SLC12A6: variants seen among roughly 807,000 people sequenced by gnomAD.
SLC12A6 encodes K-Cl cotransporter 3.
Under a neutral mutation model 135.3 loss-of-function variants are expected in SLC12A6, and 66 were observed. The observed-to-expected ratio is 0.49, with a 90% CI of 0.40 to 0.60. SLC12A6 has a LOEUF of 0.60. Ranked by LOEUF, SLC12A6 falls within the 20% of genes least tolerant of loss-of-function variation. SLC12A6 has a pLI of 0.00. For missense variants in SLC12A6, 1,058 were observed against 1,452.3 expected, an observed-to-expected ratio of 0.73 and a Z score of 4.41; for synonymous variants, 513 against 508.8, an observed-to-expected ratio of 1.01 and a Z score of -0.11.
chr15:34,283,410 G>C (rs965396993), intron 2 of SLC12A6, among the ~76,000 whole-genome samples: 1 of 152,078 alleles, frequency 6.6e-6, no homozygotes, highest in Admixed American at 6.6e-5. Flanking sequence ...GTGTTATAAA[G>C]AAAATAAAGA....
intron 2 of SLC12A6, among the ~76,000 whole-genome samples, chr15:34,322,649 C>T (rs578189551): frequency 2.3e-4 from 35 of 151,468 alleles, no homozygotes; most frequent in African/African-American, 6.8e-4. Flanking sequence ...TGGGTGTTCA[C>T]GATGAAAGTT....
intron 2 of SLC12A6, among the ~76,000 whole-genome samples, chr15:34,325,099 CT>C (rs113265750): frequency 3.9e-5 from 6 of 152,300 alleles, no homozygotes; most frequent in African/African-American, 1.4e-4. Flanking sequence ...TCGTACTACA[CT>C]CTGAATAGTT....
chr15:34,291,053 A>G (rs1485730740), intron 2 of SLC12A6, among the ~76,000 whole-genome samples: 2 of 152,100 alleles, frequency 1.3e-5, no homozygotes, highest in African/African-American at 4.8e-5. Context: ...TCATCTGTTA[A>G]TTGATGTAGT....
Position 34,250,918 on chromosome 15 carries a change from G to A in SLC12A6, c.1473C>T (p.Ile491=). The A allele has an allele frequency of 6.2e-7, 1 of 1,612,026 alleles. No homozygotes were observed. Among genetic ancestry groups the A allele is most frequent in the Non-Finnish European group, 8.5e-7 (1 of 1,178,112 alleles). ...GTTTACCTGTAACAGAGGGAAAGAAGATTCCCACCAGAAGCGTGAAGGAGG... is the reference window on the plus strand; with the variant it reads ...GTTTACCTGTAACAGAGGGAAAGAAAATTCCCACCAGAAGCGTGAAGGAGG... ...ITTSFTLLVG[I]FFPSVTGIMA... The change falls in exon 11 of 26, where the codon ATC becomes ATT. Residue 491 remains isoleucine, a synonymous_variant. Transcript: ENST00000354181.
At position 34,263,604 on chromosome 15, in the gene SLC12A6, T is replaced by C. The variant is rs1306782733; in HGVS notation, c.317-2584A>G. Among the ~76,000 whole-genome samples the C allele has an allele frequency of 2.6e-5, 4 of 152,128 alleles. No homozygotes were observed. In the East Asian group the frequency reaches 7.7e-4, roughly 29 times the overall value. On this transcript the variant is annotated intron_variant, in intron 3 of 25. Transcript: ENST00000354181. ...ACTTTATTTGAGCACTTCCTTAACT[T>C]TGTTTCATTATTATGCAAAAGTTAT...
intron 2 of SLC12A6, among the ~76,000 whole-genome samples, chr15:34,319,120 GAACAGTT>G (rs1294739395): frequency 2.7e-5 from 4 of 150,370 alleles, no homozygotes; most frequent in African/African-American, 9.9e-5. Flanking sequence ...AAAGATTAGA[GAACAGTT>G]AACTTTTTTT....
rs116246488 is a variant in SLC12A6, at chr15:34,326,269, A to T, written c.271+10141T>A. Reference sequence around the variant, plus strand: ...GTAGCACTGGCAGCTATGAAGACAGACATTCAGTTACTCAGGGTTTCATTT... The same window carrying T: ...GTAGCACTGGCAGCTATGAAGACAGTCATTCAGTTACTCAGGGTTTCATTT... On this transcript the variant is annotated intron_variant, in intron 2 of 25. Coordinates refer to ENST00000354181, the MANE Select transcript of SLC12A6 (RefSeq NM_001365088.1). 8.9e-3 allele frequency among the ~76,000 whole-genome samples: 1,354 copies of T among 152,328 alleles called. 14 individuals carry two copies. Among genetic ancestry groups the T allele is most frequent in the African/African-American group, 0.03 (1,265 of 41,574 alleles).
chr15:34,285,046 G>A (rs564625742), intron 2 of SLC12A6, among the ~76,000 whole-genome samples: 2 of 152,334 alleles, frequency 1.3e-5, no homozygotes, highest in African/African-American at 4.8e-5. Context: ...AGATGTTGGA[G>A]GAGGAATCAA....
At chr15:34,236,637 C>G (rs1366962174) in intron 23 of SLC12A6, 71 bp downstream of exon 23, 1 of 976,778 alleles carries the variant, frequency 1.0e-6, no homozygotes, top group Non-Finnish European at 1.7e-6. Flanking sequence ...CCACCATGCC[C>G]AGCCCAGTAT....
chr15:34,296,918 A>C (rs1239463146), intron 2 of SLC12A6, among the ~76,000 whole-genome samples: 1 of 152,234 alleles, frequency 6.6e-6, no homozygotes, highest in Non-Finnish European at 1.5e-5. Context: ...AAACTGTTTT[A>C]CTTGTGTTAT....
intron 15 of SLC12A6, 133 bp downstream of exon 15, chr15:34,245,152 G>A: frequency 1.4e-6 from 1 of 712,686 alleles, no homozygotes; most frequent in Non-Finnish European, 2.6e-6. Context: ...TCTCAGGAAT[G>A]ATTTTTATTT....
At chr15:34,306,768 T>C (rs1191648130) in intron 2 of SLC12A6, among the ~76,000 whole-genome samples, 1 of 152,246 alleles carries the variant, frequency 6.6e-6, no homozygotes. Context: ...ATCTGTGGAC[T>C]GCATTGTTTT....
intron 3 of SLC12A6, 101 bp from the exon 4 acceptor site, chr15:34,261,121 A>G (rs925933143): frequency 2.7e-6 from 2 of 733,648 alleles, no homozygotes; most frequent in African/African-American, 3.5e-5. Context: ...AATATAACCC[A>G]TTTTCATATT....
At chr15:34,320,933 A>G (rs984219977) in intron 2 of SLC12A6, among the ~76,000 whole-genome samples, 4 of 104,134 alleles carry the variant, frequency 3.8e-5, no homozygotes, top group Non-Finnish European at 6.0e-5. Context: ...AATAAAATAA[A>G]ATAAAATAAA....
At chr15:34,275,587 T>C (rs1215998621) in intron 2 of SLC12A6, among the ~76,000 whole-genome samples, 198 bp from the exon 3 acceptor site, 2 of 152,102 alleles carry the variant, frequency 1.3e-5, no homozygotes, top group Non-Finnish European at 2.9e-5. Context: ...TTAAACATAA[T>C]CACCATCAGC....
At chr15:34,250,153 C>A (rs1385194071) in intron 13 of SLC12A6, 145 bp downstream of exon 13, 5 of 722,376 alleles carry the variant, frequency 6.9e-6, no homozygotes, top group Non-Finnish European at 1.3e-5. Context: ...AATCCACCTG[C>A]CTTGGCCTCC....
At chr15:34,330,536 GTGTGCACC>G (rs370559674) in intron 2 of SLC12A6, among the ~76,000 whole-genome samples, 3 of 152,068 alleles carry the variant, frequency 2.0e-5, no homozygotes, top group African/African-American at 7.2e-5. Flanking sequence ...GGTCATAGTG[GTGTGCACC>G]TGTGTTCCCA....
chr15:34,245,177 CTGTA>C, intron 15 of SLC12A6, 104 bp downstream of exon 15: 1 of 769,094 alleles, frequency 1.3e-6, no homozygotes, highest in Admixed American at 1.8e-5. Context: ...GAAGTTACAT[CTGTA>C]TTTAGCCCAC....
At chr15:34,320,054 T>C (rs75366592) in intron 2 of SLC12A6, among the ~76,000 whole-genome samples, 3,546 of 152,288 alleles carry the variant, frequency 0.023, 63 homozygotes, top group Middle Eastern at 0.068. Context: ...GGGAGTTCAG[T>C]AAATTGAGCC....
Sources: allele counts gnomAD v4.1 joint callset (sites outside exome capture counted in the v4.1 genomes callset), GRCh38; gene constraint gnomAD v4.1.1; transcripts MANE v1.5; gene names NCBI Gene and HGNC (gene_info 2026-07-23, HGNC 2026-07-21).